EHMT1: variants seen among roughly 807,000 people sequenced by gnomAD.
EHMT1 encodes euchromatic histone lysine methyltransferase 1.
In EHMT1, 15 loss-of-function variants were observed where a neutral mutation model predicts 147.2. The ratio of observed to expected loss-of-function variants is 0.10; its 90% confidence interval spans 0.07 to 0.16. The LOEUF is 0.16. Among genes scored for constraint, EHMT1 ranks in the 10% least tolerant of loss-of-function variants. EHMT1 has a pLI of 1.00. For missense variants in EHMT1, 1,587 were observed against 1,772.4 expected (o/e 0.90, Z 1.88); for synonymous variants, 795 against 709.6 (o/e 1.12, Z -1.91).
chr9:137,643,190 C>T (rs369975424), intron 1 of EHMT1, among the ~76,000 whole-genome samples: 8 of 151,178 alleles, frequency 5.3e-5, no homozygotes, highest in African/African-American at 1.9e-4. Flanking sequence ...GGCCTTGGTG[C>T]TCTCTATTCA....
chr9:137,712,556 C>T (rs566363188), intron 2 of EHMT1, among the ~76,000 whole-genome samples: 2 of 152,304 alleles, frequency 1.3e-5, no homozygotes, highest in South Asian at 2.1e-4. Flanking sequence ...AGCATCATTT[C>T]GTGTGCTTAC....
At chr9:137,619,969 T>C (rs924457447) in intron 1 of EHMT1, 2 of 152,170 alleles carry the variant, frequency 1.3e-5, no homozygotes, top group African/African-American at 4.8e-5. Context: ...AAATTAACTG[T>C]CTAGTAACAG....
At chr9:137,665,655 G>T (rs1939554924) in intron 1 of EHMT1, among the ~76,000 whole-genome samples, 1 of 152,350 alleles carries the variant, frequency 6.6e-6, no homozygotes, top group East Asian at 1.9e-4. Context: ...AGCTAATCCT[G>T]AGAGGCCCTA....
At chr9:137,821,065 G>A (rs777673970) in intron 25 of EHMT1, among the ~76,000 whole-genome samples, 7 of 152,194 alleles carry the variant, frequency 4.6e-5, no homozygotes, top group Non-Finnish European at 1.0e-4. Flanking sequence ...TTTTAGTAGA[G>A]ACAGGGTTTC....
chr9:137,802,151 C>T (rs1049577744), intron 18 of EHMT1, among the ~76,000 whole-genome samples: 5 of 152,202 alleles, frequency 3.3e-5, no homozygotes, highest in African/African-American at 1.2e-4. Flanking sequence ...TTCAGGGACC[C>T]ACAAAACCAG....
intron 4 of EHMT1, among the ~76,000 whole-genome samples, chr9:137,730,516 C>G (rs1317991209): frequency 6.6e-6 from 1 of 152,166 alleles, no homozygotes; most frequent in Non-Finnish European, 1.5e-5. Context: ...GTCTTGAACT[C>G]GTGGGCTCAA....
intron 15 of EHMT1, among the ~76,000 whole-genome samples, chr9:137,783,468 T>G (rs1951720007): frequency 6.6e-6 from 1 of 152,258 alleles, no homozygotes; most frequent in South Asian, 2.1e-4. Flanking sequence ...CCCTTATTTC[T>G]CTGATGGTAT....
chr9:137,648,564 G>A (rs147292923), intron 1 of EHMT1, among the ~76,000 whole-genome samples: 8 of 152,064 alleles, frequency 5.3e-5, no homozygotes, highest in African/African-American at 9.6e-5. Flanking sequence ...AGGCTGAGGC[G>A]GGAGTGTCAT....
chr9:137,776,637 A>G lies in EHMT1; in HGVS notation c.1811A>G (p.Gln604Arg), dbSNP rs1950985070. ...FCTAGNFMECQPESSISHRFH... is the reference protein window; with the variant it reads ...FCTAGNFMECRPESSISHRFH... ...TTTTAGGGTAATTTTATGGAGTGTC[A>G]GCCCGAGAGCAGCATCTCTCACCGT... The change falls in exon 12 of 27, where the codon CAG (glutamine) becomes CGG (arginine). Residue 604 changes from glutamine (Q) to arginine (R), a missense_variant. Around this residue, in one of 7 missense-constraint regions of EHMT1, gnomAD observed 124 missense variants for 197.8 expected, o/e 0.63. Transcript: ENST00000460843. This position sits in a 1 kb window ranked among gnomAD's most constrained non-coding sequence, Gnocchi z 4.4. 1 of 1,614,012 alleles carries G rather than the reference A, an allele frequency of 6.2e-7. No homozygotes were observed. The highest frequency in any genetic ancestry group is 1.3e-5 in the African/African-American group (1 of 74,922).
intron 1 of EHMT1, among the ~76,000 whole-genome samples, chr9:137,670,905 CTCTT>C (rs1466201218): frequency 2.0e-5 from 3 of 152,214 alleles, no homozygotes. Context: ...GCTACCTTTT[CTCTT>C]TCTTGCTGCC....
chr9:137,726,708 G>A (rs765017210), intron 3 of EHMT1, among the ~76,000 whole-genome samples: 3 of 152,146 alleles, frequency 2.0e-5, no homozygotes, highest in Non-Finnish European at 4.4e-5. Flanking sequence ...CGGATGCACC[G>A]TTTCACTTCC....
intron 1 of EHMT1, among the ~76,000 whole-genome samples, chr9:137,670,366 T>A (rs1022273845): frequency 1.6e-4 from 25 of 152,144 alleles, no homozygotes; most frequent in African/African-American, 5.6e-4. Context: ...GTAGCCTTCC[T>A]CCCTTGGCTA....
chr9:137,729,184 C>T (rs1236087829), intron 4 of EHMT1, among the ~76,000 whole-genome samples: 3 of 152,090 alleles, frequency 2.0e-5, no homozygotes, highest in Non-Finnish European at 2.9e-5. Context: ...TGCCAGCCCT[C>T]GTGAATGCTG....
chr9:137,752,895 T>C (rs1588525865), intron 7 of EHMT1, among the ~76,000 whole-genome samples: 1 of 151,738 alleles, frequency 6.6e-6, no homozygotes, highest in Non-Finnish European at 1.5e-5. Context: ...GATTTGAGGG[T>C]TTCCAGGTAG....
rs906384257 is a variant in EHMT1 at position 137,762,887 on chromosome 9, GC to G, written c.1647+71del. The G allele has an allele frequency of 3.1e-6, 5 of 1,602,862 alleles. No homozygotes were observed. In the African/African-American group the frequency reaches 6.7e-5, roughly 21 times the overall value. Reference sequence around the variant, plus strand: ...AGTGAGAAAGCCCAGCCCAGCAGGGGCCCCGACAGCCCCTCGAGTGAGTTGT... The same window carrying G: ...AGTGAGAAAGCCCAGCCCAGCAGGGGCCCGACAGCCCCTCGAGTGAGTTGT... On this transcript the variant is annotated intron_variant, in intron 10 of 26. Transcript: ENST00000460843.
chr9:137,745,666 G>T (rs1948485840), intron 6 of EHMT1: 4 of 397,530 alleles, frequency 1.0e-5, no homozygotes, highest in Non-Finnish European at 1.3e-5. Context: ...ACACGTGTCT[G>T]TCGCTCCAGT....
At chr9:137,809,762 A>G (rs527395588) in intron 18 of EHMT1, among the ~76,000 whole-genome samples, 87 of 152,386 alleles carry the variant, frequency 5.7e-4, no homozygotes, top group African/African-American at 2.0e-3. Context: ...ATTGTATTCC[A>G]GAAATATACC....
At chr9:137,669,316 A>G in intron 1 of EHMT1, among the ~76,000 whole-genome samples, 2 of 147,098 alleles carry the variant, frequency 1.4e-5, no homozygotes, top group Non-Finnish European at 1.5e-5. Flanking sequence ...GACCCCTGGA[A>G]AGACGCCCCC....
rs1257283070 is a variant in EHMT1, at chr9:137,775,925, G to T, written c.1791+673G>T. 6.6e-6 allele frequency among the ~76,000 whole-genome samples: 1 copy of T among 151,950 alleles called. No homozygotes were observed. Among genetic ancestry groups the T allele is most frequent in the Non-Finnish European group, 1.5e-5 (1 of 67,998 alleles). On this transcript the variant is annotated intron_variant, in intron 11 of 26. Coordinates refer to ENST00000460843, the MANE Select transcript of EHMT1 (RefSeq NM_024757.5). The surrounding 1 kb of genome is among the most constrained non-coding windows in gnomAD (Gnocchi z 6.1). Reference sequence around the variant, plus strand: ...TCTGTGCGCGCACACATCTGTGTGAGCCTCTGCCTGTAAGCGTCTGTCTGT... The same window carrying T: ...TCTGTGCGCGCACACATCTGTGTGATCCTCTGCCTGTAAGCGTCTGTCTGT...
Sources: allele counts gnomAD v4.1 joint callset (sites outside exome capture counted in the v4.1 genomes callset), GRCh38; gene constraint gnomAD v4.1.1; regional missense constraint gnomAD v4.1.1; non-coding constraint Gnocchi (gnomAD v3.1); transcripts MANE v1.5; gene names NCBI Gene and HGNC (gene_info 2026-07-23, HGNC 2026-07-21).